Variants in FAM120A observed in about 807,000 individuals in gnomAD.
FAM120A encodes the protein constitutive coactivator of PPAR-gamma-like protein 1.
Under a neutral mutation model 109.7 loss-of-function variants are expected in FAM120A, and 15 were observed. The ratio of observed to expected loss-of-function variants is 0.14; its 90% CI spans 0.09 to 0.21. FAM120A has a LOEUF of 0.21. Among genes scored for constraint, FAM120A ranks in the 10% least tolerant of loss-of-function variants. The probability of loss-of-function intolerance (pLI) is 1.00; values close to 1 mark genes in which losing one functional copy is unlikely to be tolerated. For synonymous variants in FAM120A, 493 were observed against 572.8 expected (o/e 0.86, Z 1.99); for missense variants, 899 against 1,439.3 (o/e 0.62, Z 6.07).
chr9:93,478,907 T>C (rs1393256544), intron 3 of FAM120A, among the ~76,000 whole-genome samples: 1 of 152,222 alleles, frequency 6.6e-6, no homozygotes, highest in Non-Finnish European at 1.5e-5. Context: ...TACAGAATTG[T>C]ATGTATCCCA....
chr9:93,557,013 C>CACAGAGAA lies in FAM120A; in HGVS notation c.2484+422_2484+423insACAGAGAA. Among the ~76,000 whole-genome samples the CACAGAGAA allele has an allele frequency of 1.3e-5, 2 of 151,916 alleles. 1 individual carries two copies. Among genetic ancestry groups the CACAGAGAA allele is most frequent in the South Asian group, 4.1e-4 (2 of 4,830 alleles). On this transcript the variant is annotated intron_variant, in intron 13 of 17. Transcript: ENST00000277165. Reference sequence around the variant, plus strand: ...TTATTGAACTCACAGCCAGTAGCTTCTGTAACACGTATATTCTCTGTAAGG... The same window carrying CACAGAGAA: ...TTATTGAACTCACAGCCAGTAGCTTCACAGAGAATGTAACACGTATATTCTCTGTAAGG...
At chr9:93,541,077 T>TGGGGGGGTGTGTGTGGGGTG (rs11449201) in intron 10 of FAM120A, among the ~76,000 whole-genome samples, 4 of 150,098 alleles carry the variant, frequency 2.7e-5, no homozygotes, top group Non-Finnish European at 5.9e-5. Context: ...ATGTGTGTGG[T>TGGGGGGGTGTGTGTGGGGTG]GGGGGGTGTG....
chr9:93,559,563 C>T (rs1002807254), intron 15 of FAM120A, among the ~76,000 whole-genome samples: 1 of 152,236 alleles, frequency 6.6e-6, no homozygotes, highest in Admixed American at 6.5e-5. Context: ...TGCAGGTCAC[C>T]TCTCCTTTCC....
At chr9:93,504,287 C>T (rs1338963738) in intron 5 of FAM120A, among the ~76,000 whole-genome samples, 1 of 152,120 alleles carries the variant, frequency 6.6e-6, no homozygotes, top group Non-Finnish European at 1.5e-5. Context: ...TGCCAGGCAC[C>T]ACCTTGGATT....
Position 93,498,854 on chromosome 9 carries a change from A to G in FAM120A, c.998A>G (p.Lys333Arg), listed in dbSNP as rs1334923345. 5.0e-6 allele frequency: 8 copies of G among 1,610,886 alleles called. No individual in the cohort carries two copies. The highest frequency in any genetic ancestry group is 5.9e-6 in the Non-Finnish European group (7 of 1,177,128). The change falls in exon 5 of 18, where the codon AAG becomes AGG. Residue 333 changes from lysine (K) to arginine (R), a missense_variant. Around this residue, in one of 11 missense-constraint regions of FAM120A, gnomAD observed 258 missense variants for 451.4 expected, o/e 0.57. Coordinates refer to ENST00000277165, the MANE Select transcript of FAM120A (RefSeq NM_014612.5). The surrounding 1 kb of genome is among the most constrained non-coding windows in gnomAD (Gnocchi z 4.4). Reference sequence around the variant, plus strand: ...ATTGGATATTATTCAGCGACTAGTAAGCCTATGTCATTTCATCCACCACAT... The same window carrying G: ...ATTGGATATTATTCAGCGACTAGTAGGCCTATGTCATTTCATCCACCACAT... ...RAIGYYSATS[K>R]PMSFHPPHYL...
chr9:93,474,585 C>T (rs964674031), intron 2 of FAM120A, among the ~76,000 whole-genome samples: 4 of 151,766 alleles, frequency 2.6e-5, no homozygotes, highest in Admixed American at 2.6e-4. Flanking sequence ...TCGGACACTT[C>T]GTTCTTTTTT....
At chr9:93,550,312 A>C (rs1245324496) in intron 11 of FAM120A, among the ~76,000 whole-genome samples, 2 of 152,238 alleles carry the variant, frequency 1.3e-5, no homozygotes, top group Non-Finnish European at 2.9e-5. Flanking sequence ...AGGTTGTATC[A>C]AAAATCACTG....
At chr9:93,554,819 T>C (rs909828634) in intron 12 of FAM120A, among the ~76,000 whole-genome samples, 1 of 152,246 alleles carries the variant, frequency 6.6e-6, no homozygotes, top group Admixed American at 6.5e-5. Flanking sequence ...ACCTGGATTC[T>C]CTGTTCTCTG....
intron 11 of FAM120A, among the ~76,000 whole-genome samples, chr9:93,544,585 C>T (rs984440210): frequency 6.6e-6 from 1 of 152,038 alleles, no homozygotes; most frequent in African/African-American, 2.4e-5. Flanking sequence ...ATACAGAAAC[C>T]TTTTTTTTAA....
intron 10 of FAM120A, among the ~76,000 whole-genome samples, chr9:93,541,144 T>C (rs1861685581): frequency 6.6e-6 from 1 of 152,018 alleles, no homozygotes; most frequent in Non-Finnish European, 1.5e-5. Context: ...GTGCATGGTA[T>C]GAAATGTGTG....
intron 7 of FAM120A, among the ~76,000 whole-genome samples, chr9:93,523,618 C>T (rs183995451): frequency 5.3e-5 from 8 of 152,138 alleles, no homozygotes; most frequent in Non-Finnish European, 1.2e-4. Flanking sequence ...TTAAGACAAA[C>T]GTGTTGACAC....
At chr9:93,534,303 G>A (rs1231957681) in intron 10 of FAM120A, among the ~76,000 whole-genome samples, 1 of 152,174 alleles carries the variant, frequency 6.6e-6, no homozygotes, top group East Asian at 1.9e-4. Context: ...GCAGGCCACA[G>A]CTTTCATGGT....
intron 11 of FAM120A, 146 bp downstream of exon 11, chr9:93,543,617 G>A (rs1015827562): frequency 3.7e-6 from 4 of 1,089,340 alleles, no homozygotes; most frequent in Non-Finnish European, 5.1e-6. Flanking sequence ...ATTTATATAT[G>A]TGATAGAAAT....
chr9:93,516,853 A>G, intron 7 of FAM120A, among the ~76,000 whole-genome samples: 1 of 152,346 alleles, frequency 6.6e-6, no homozygotes, highest in East Asian at 1.9e-4. Flanking sequence ...TTAAAATTTG[A>G]TCGAGGAAAT....
At chr9:93,527,345 C>T (rs907173500) in intron 8 of FAM120A, 103 bp downstream of exon 8, 39 of 857,766 alleles carry the variant, frequency 4.5e-5, no homozygotes, top group East Asian at 2.1e-4. Flanking sequence ...CTCTTTTAAT[C>T]GGGTCATGTA....
At chr9:93,538,217 C>G (rs2131499606) in intron 10 of FAM120A, among the ~76,000 whole-genome samples, 1 of 150,262 alleles carries the variant, frequency 6.7e-6, no homozygotes, top group Non-Finnish European at 1.5e-5. Flanking sequence ...GGACTGTGGG[C>G]TGCTCCATCC....
At chr9:93,476,782 A>T (rs1858567647) in intron 3 of FAM120A, among the ~76,000 whole-genome samples, 1 of 152,142 alleles carries the variant, frequency 6.6e-6, no homozygotes, top group Non-Finnish European at 1.5e-5. Context: ...GATGAGGGAG[A>T]CTCAAATGGA....
intron 7 of FAM120A, among the ~76,000 whole-genome samples, chr9:93,526,257 C>T (rs1861077984): frequency 6.6e-6 from 1 of 152,232 alleles, no homozygotes; most frequent in African/African-American, 2.4e-5. Context: ...TGCACATCCT[C>T]TGCTACCTGT....
chr9:93,561,006 A>T, intron 15 of FAM120A, 103 bp from the exon 16 acceptor site: 1 of 1,307,058 alleles, frequency 7.7e-7, no homozygotes. Flanking sequence ...GCTTCATAGT[A>T]AATATAAACC....
Sources: gnomAD v4.1 joint callset for allele counts (sites outside exome capture counted in the v4.1 genomes callset) on GRCh38, gnomAD v4.1.1 for gene constraint, gnomAD v4.1.1 regional missense constraint, Gnocchi (gnomAD v3.1) non-coding constraint, MANE v1.5 for transcripts, NCBI Gene and HGNC (gene_info 2026-07-23, HGNC 2026-07-21) for gene names.